Variants in STAT3 observed in about 807,000 individuals in gnomAD.
The protein encoded by STAT3 is DNA-binding protein APRF.
A neutral mutation model predicts 114.3 loss-of-function variants in STAT3; 7 were observed. The observed-to-expected ratio is 0.06, with a 90% CI of 0.03 to 0.11. STAT3 has a LOEUF of 0.11. Among genes scored for constraint, STAT3 ranks in the 10% least tolerant of loss-of-function variants. STAT3 has a pLI of 1.00. For missense variants in STAT3, 364 were observed against 960.9 expected (o/e 0.38, Z 8.21); for synonymous variants, 331 against 354.5 (o/e 0.93, Z 0.74).
At chr17:42,378,136 C>T (rs1039922308) in intron 1 of STAT3, among the ~76,000 whole-genome samples, 2 of 149,288 alleles carry the variant, frequency 1.3e-5, no homozygotes, top group Non-Finnish European at 3.0e-5. Flanking sequence ...CAGGCGTGAG[C>T]CACCGCACCC....
chr17:42,329,273 C>A, intron 14 of STAT3, 137 bp downstream of exon 14: 1 of 1,278,806 alleles, frequency 7.8e-7, no homozygotes, highest in Non-Finnish European at 1.1e-6. Context: ...GTCACTTTGG[C>A]CTGAAGTGAC....
chr17:42,356,509 G>A (rs1567738838), intron 1 of STAT3, among the ~76,000 whole-genome samples: 1 of 144,720 alleles, frequency 6.9e-6, no homozygotes, highest in East Asian at 2.0e-4. Flanking sequence ...ATTTCAGAAT[G>A]TGTTTGTGTG....
At chr17:42,319,837 C>T (rs1306155827) in intron 21 of STAT3, among the ~76,000 whole-genome samples, 1 of 152,190 alleles carries the variant, frequency 6.6e-6, no homozygotes, top group Non-Finnish European at 1.5e-5. Context: ...GACACCCCCA[C>T]ACCCGTCACC....
At chr17:42,369,311 C>T (rs1734030918) in intron 1 of STAT3, among the ~76,000 whole-genome samples, 2 of 152,122 alleles carry the variant, frequency 1.3e-5, no homozygotes, top group South Asian at 4.1e-4. Flanking sequence ...GAGCTGAAAT[C>T]GTGCCACCTG....
chr17:42,383,130 C>G (rs1367239038), intron 1 of STAT3, among the ~76,000 whole-genome samples: 1 of 152,036 alleles, frequency 6.6e-6, no homozygotes, highest in Non-Finnish European at 1.5e-5. Flanking sequence ...GATCTTGGCT[C>G]ACTGCAGCCT....
At chr17:42,352,270 T>A (rs1598454680) in intron 1 of STAT3, among the ~76,000 whole-genome samples, 1 of 150,802 alleles carries the variant, frequency 6.6e-6, no homozygotes, top group Admixed American at 6.6e-5. Context: ...ACCCGGGAGG[T>A]GGAGGTTGTA....
chr17:42,351,798 G>A (rs769003137), intron 1 of STAT3, among the ~76,000 whole-genome samples: 11 of 151,562 alleles, frequency 7.3e-5, no homozygotes, highest in Non-Finnish European at 1.3e-4. Context: ...AGATGGAATC[G>A]CCTAGGCTGG....
rs2082662438 is a variant in STAT3, at chr17:42,345,620, A to G, written c.311T>C (p.Ile104Thr). ...YLEKPMEIAR[I>T]VARCLWEESR... is the part of the protein sequence containing the mutation. ...TTCTTCCCACAGGCACCGGGCCACA[A>G]TCCGGGCAATCTCCATTGGCTTCTC... is the stretch of plus-strand genomic sequence containing the variant. Residue 104 changes from isoleucine (I) to threonine (T), a missense_variant, in exon 4 of 24, where the codon ATT becomes ACT. By Grantham distance (89) the Ile-to-Thr change is moderately conservative. Transcript: ENST00000264657. 7 of 1,608,642 alleles carry G rather than the reference A, an allele frequency of 4.4e-6. No homozygotes were observed. The highest frequency in any genetic ancestry group is 5.9e-6 in the Non-Finnish European group (7 of 1,176,854).
chr17:42,352,156 T>G (rs1001818700), intron 1 of STAT3, among the ~76,000 whole-genome samples: 4 of 151,886 alleles, frequency 2.6e-5, no homozygotes, highest in African/African-American at 9.7e-5. Flanking sequence ...CTGGCCAACA[T>G]AGTGAAACCC....
chr17:42,326,108 G>C lies in STAT3; in HGVS notation c.1365+8C>G, dbSNP rs779644968. 6.2e-7 allele frequency: 1 copy of C among 1,613,824 alleles called. No individual in the cohort carries two copies. Among genetic ancestry groups the C allele is most frequent in the Admixed American group, 1.7e-5 (1 of 60,014 alleles). On this transcript the variant is annotated splice_region_variant and intron_variant, in intron 15 of 23. Transcript: ENST00000264657. ...GTAGCCTCTCACCGATTCTGCTGCA[G>C]AACTTACCTCTAGGTCAATCTTGAG...
intron 1 of STAT3, among the ~76,000 whole-genome samples, chr17:42,378,637 TGTCGAGAAA>T (rs2084607234): frequency 2.0e-5 from 3 of 152,322 alleles, no homozygotes; most frequent in South Asian, 4.1e-4. Context: ...AAAACTGATT[TGTCGAGAAA>T]GTCAGTCTGA....
chr17:42,383,148 CCAG>C (rs2084896456), intron 1 of STAT3, among the ~76,000 whole-genome samples: 2 of 151,940 alleles, frequency 1.3e-5, no homozygotes. Flanking sequence ...CCTCCACCTC[CCAG>C]GTTCAAGCAA....
intron 14 of STAT3, among the ~76,000 whole-genome samples, chr17:42,328,755 G>A (rs1215628166): frequency 6.6e-6 from 1 of 152,142 alleles, no homozygotes; most frequent in Non-Finnish European, 1.5e-5. Context: ...GTAAGAAAAA[G>A]AACGGGGCAT....
At chr17:42,354,369 T>C (rs1222186) in intron 1 of STAT3, among the ~76,000 whole-genome samples, 2 of 149,608 alleles carry the variant, frequency 1.3e-5, no homozygotes, top group Non-Finnish European at 3.0e-5. Context: ...GGGGTTTCAC[T>C]ATGTTGGCCA....
At chr17:42,363,303 A>T (rs1298884484) in intron 1 of STAT3, among the ~76,000 whole-genome samples, 3 of 152,196 alleles carry the variant, frequency 2.0e-5, no homozygotes, top group Non-Finnish European at 4.4e-5. Context: ...TGATTCTTCA[A>T]TAAGAGTAAA....
chr17:42,348,618 A>G lies in STAT3; in HGVS notation c.-23-79T>C, dbSNP rs377275590. ...TCTAGAAGTAGCCATTGCCCAACAC[A>G]GGTGTCAGGTCTGTGACTAGGGATA... On this transcript the variant is annotated intron_variant, in intron 1 of 23. Coordinates refer to ENST00000264657, the MANE Select transcript of STAT3 (RefSeq NM_139276.3). 2,989 of 1,537,372 alleles carry G rather than the reference A, an allele frequency of 1.9e-3. 53 individuals are homozygous for G. The South Asian group carries it at 0.032, about 17-fold the overall frequency.
chr17:42,336,424 C>G (rs1401753703), intron 8 of STAT3, among the ~76,000 whole-genome samples: 2 of 152,018 alleles, frequency 1.3e-5, no homozygotes, highest in South Asian at 4.2e-4. Flanking sequence ...AAAGTAAGAC[C>G]CTGTCTCTAT....
chr17:42,388,191 CA>C (rs1273865825), intron 1 of STAT3, 87 bp downstream of exon 1: 161 of 1,219,514 alleles, frequency 1.3e-4, no homozygotes, highest in Non-Finnish European at 1.5e-4. Context: ...TCCATCACAA[CA>C]TCCCCAAGGT....
rs1364008465 is a variant in STAT3 at position 42,333,648 on chromosome 17, T to C, written c.1049+25A>G. 6.2e-7 allele frequency: 1 copy of C among 1,613,368 alleles called. No individual in the cohort carries two copies. Among genetic ancestry groups the C allele is most frequent in the Admixed American group, 1.7e-5 (1 of 59,980 alleles). On this transcript the variant is annotated intron_variant, in intron 10 of 23. Transcript: ENST00000264657. This position sits in a 1 kb window ranked among gnomAD's most constrained non-coding sequence, Gnocchi z 5.2. ...CAGTGTCCCTCAGTAAAATCTCTAC[T>C]GGAAATGGAAGTGGCATGGCCTACC...
Sources: allele counts gnomAD v4.1 joint callset (sites outside exome capture counted in the v4.1 genomes callset), GRCh38; gene constraint gnomAD v4.1.1; non-coding constraint Gnocchi (gnomAD v3.1); transcripts MANE v1.5; gene names NCBI Gene and HGNC (gene_info 2026-07-23, HGNC 2026-07-21).